GRXCR1: variants seen among roughly 807,000 people sequenced by gnomAD.
The protein encoded by GRXCR1 is glutaredoxin and cysteine rich domain containing 1, also known as glutaredoxin domain-containing cysteine-rich protein 1.
In GRXCR1, 27 loss-of-function variants were observed where a neutral mutation model predicts 27.3. That is an observed-to-expected ratio of 0.99 (90% confidence interval 0.73 to 1.37). The LOEUF (loss-of-function observed/expected upper bound fraction) is 1.37, where lower values mean the gene tolerates loss of function less well. Ranked by LOEUF, GRXCR1 falls within the 40% of genes most tolerant of loss-of-function variation. GRXCR1 has a pLI of 0.00. For synonymous variants in GRXCR1, 122 were observed against 131.1 expected, an observed-to-expected ratio of 0.93 and a Z score of 0.47; for missense variants, 379 against 354.4, an observed-to-expected ratio of 1.07 and a Z score of -0.56.
At chr4:42,919,384 G>A (rs1746957012) in intron 1 of GRXCR1, among the ~76,000 whole-genome samples, 1 of 152,124 alleles carries the variant, frequency 6.6e-6, no homozygotes, top group Non-Finnish European at 1.5e-5. Flanking sequence ...TCCTGTGGGT[G>A]TCTGAATTTG....
At chr4:42,984,969 C>T (rs907711908) in intron 2 of GRXCR1, among the ~76,000 whole-genome samples, 2 of 152,082 alleles carry the variant, frequency 1.3e-5, no homozygotes, top group Non-Finnish European at 2.9e-5. Context: ...TATGATGGGC[C>T]TGAGGTTGGG....
chr4:43,002,220 C>G, intron 2 of GRXCR1, among the ~76,000 whole-genome samples: 1 of 152,288 alleles, frequency 6.6e-6, no homozygotes, highest in East Asian at 1.9e-4. Context: ...TTATGGGTGT[C>G]GGGCTGGGGG....
intron 1 of GRXCR1, among the ~76,000 whole-genome samples, chr4:42,957,010 C>G (rs1454359175): frequency 6.6e-6 from 1 of 151,970 alleles, no homozygotes; most frequent in Non-Finnish European, 1.5e-5. Flanking sequence ...CACTTAATAC[C>G]ATTCCATTTT....
At chr4:43,002,562 A>G (rs899882196) in intron 2 of GRXCR1, among the ~76,000 whole-genome samples, 1 of 152,186 alleles carries the variant, frequency 6.6e-6, no homozygotes, top group African/African-American at 2.4e-5. Flanking sequence ...TCAGCAAAGC[A>G]ATTGTTTAAA....
At chr4:42,900,286 G>A (rs1031109109) in intron 1 of GRXCR1, among the ~76,000 whole-genome samples, 12 of 152,046 alleles carry the variant, frequency 7.9e-5, no homozygotes, top group Admixed American at 2.0e-4. Context: ...TTTTATTTAC[G>A]TGCACAAATC....
At chr4:42,936,026 T>C (rs1450933) in intron 1 of GRXCR1, among the ~76,000 whole-genome samples, 40,576 of 151,728 alleles carry the variant, frequency 0.27, 6,007 homozygotes, top group African/African-American at 0.4. Context: ...CTTTATGTAA[T>C]TTAATTTGGG....
At chr4:42,905,020 A>G (rs774102243) in intron 1 of GRXCR1, among the ~76,000 whole-genome samples, 3 of 152,154 alleles carry the variant, frequency 2.0e-5, no homozygotes, top group Non-Finnish European at 2.9e-5. Context: ...GTACCACAAG[A>G]TTTTTTGGCA....
chr4:43,021,158 T>A (rs1405112766), intron 3 of GRXCR1, among the ~76,000 whole-genome samples: 1 of 152,160 alleles, frequency 6.6e-6, no homozygotes, highest in Admixed American at 6.5e-5. Context: ...CTAACCTAAT[T>A]TCTGATTCTC....
chr4:42,987,462 T>C (rs1711808911), intron 2 of GRXCR1, among the ~76,000 whole-genome samples: 1 of 151,470 alleles, frequency 6.6e-6, no homozygotes. Context: ...TTTTATTTTT[T>C]GTAGAGACGG....
At chr4:42,905,464 G>T (rs1016555880) in intron 1 of GRXCR1, among the ~76,000 whole-genome samples, 1 of 152,208 alleles carries the variant, frequency 6.6e-6, no homozygotes. Flanking sequence ...ACGGTGGACT[G>T]CTAGACATGG....
intron 2 of GRXCR1, among the ~76,000 whole-genome samples, chr4:42,981,816 T>C (rs141251106): frequency 7.2e-5 from 11 of 152,212 alleles, no homozygotes; most frequent in African/African-American, 2.4e-4. Flanking sequence ...TTGGAACTTC[T>C]GTATGTGTTA....
At chr4:42,925,877 T>C (rs1747145728) in intron 1 of GRXCR1, among the ~76,000 whole-genome samples, 1 of 151,970 alleles carries the variant, frequency 6.6e-6, no homozygotes, top group African/African-American at 2.4e-5. Context: ...AGTTGGACAC[T>C]TCCTGGAAAT....
At chr4:43,000,272 G>A (rs2109795961) in intron 2 of GRXCR1, among the ~76,000 whole-genome samples, 1 of 152,172 alleles carries the variant, frequency 6.6e-6, no homozygotes, top group African/African-American at 2.4e-5. Flanking sequence ...GAGGTCAGGA[G>A]ATTGAGACCA....
intron 1 of GRXCR1, among the ~76,000 whole-genome samples, chr4:42,942,941 C>T (rs985855314): frequency 3.9e-5 from 6 of 151,968 alleles, no homozygotes; most frequent in Non-Finnish European, 5.9e-5. Context: ...TAATAAATGA[C>T]ACAGGAAAGC....
At chr4:43,025,232 T>C (rs1713217009) in intron 3 of GRXCR1, among the ~76,000 whole-genome samples, 1 of 151,886 alleles carries the variant, frequency 6.6e-6, no homozygotes, top group Admixed American at 6.6e-5. Context: ...ACACAATACA[T>C]TTCGTGTGCT....
intron 2 of GRXCR1, among the ~76,000 whole-genome samples, chr4:43,012,843 T>C (rs750383683): frequency 1.3e-5 from 2 of 152,118 alleles, no homozygotes; most frequent in Non-Finnish European, 2.9e-5. Flanking sequence ...AGTTTATCAA[T>C]TGAACAAGCA....
chr4:43,016,279 G>T (rs1475077858), intron 2 of GRXCR1, among the ~76,000 whole-genome samples: 1 of 152,120 alleles, frequency 6.6e-6, no homozygotes, highest in African/African-American at 2.4e-5. Context: ...CTTGAATGGA[G>T]GGAAATGGTG....
rs745784596 is a variant in GRXCR1, at chr4:42,990,173, C to CTTTTTTTTTTTTTTTTTTTTTTTTT, written c.627+27051_627+27075dup. ...AACTTCTTGAATTGAATTATTAGTTCTTTTTTTTTTTTTTTTTTTTTTTTT... is the reference window on the plus strand; with the variant it reads ...AACTTCTTGAATTGAATTATTAGTTCTTTTTTTTTTTTTTTTTTTTTTTTTTTTTTTTTTTTTTTTTTTTTTTTTT... On this transcript the variant is annotated intron_variant, in intron 2 of 3. Transcript: ENST00000399770. Among the ~76,000 whole-genome samples the CTTTTTTTTTTTTTTTTTTTTTTTTT allele has an allele frequency of 1.5e-4, 7 of 46,200 alleles. 3 individuals are homozygous for CTTTTTTTTTTTTTTTTTTTTTTTTT. Among genetic ancestry groups the CTTTTTTTTTTTTTTTTTTTTTTTTT allele is most frequent in the East Asian group, 1.6e-3 (2 of 1,288 alleles). 30.3% of individuals were successfully genotyped at this position (46,200 alleles called of 152,430 possible).
At chr4:42,932,298 T>C (rs1324168318) in intron 1 of GRXCR1, among the ~76,000 whole-genome samples, 1 of 151,798 alleles carries the variant, frequency 6.6e-6, no homozygotes, top group Non-Finnish European at 1.5e-5. Context: ...GCCCCTGGCA[T>C]CCAGCTGTTT....
Sources: allele counts gnomAD v4.1 joint callset (sites outside exome capture counted in the v4.1 genomes callset), GRCh38; gene constraint gnomAD v4.1.1; transcripts MANE v1.5; gene names NCBI Gene and HGNC (gene_info 2026-07-23, HGNC 2026-07-21).